LAMA1: variants seen among roughly 807,000 people sequenced by gnomAD.
LAMA1 encodes the protein laminin subunit alpha 1.
In LAMA1, 219 loss-of-function variants were observed where a neutral mutation model predicts 348.7. The observed-to-expected ratio is 0.63, with a 90% CI of 0.56 to 0.70. The LOEUF is 0.70. LAMA1 is among the 30% of genes least tolerant of loss of function. The probability of loss-of-function intolerance (pLI) is 0.00; values close to 1 mark genes in which losing one functional copy is unlikely to be tolerated. For synonymous variants in LAMA1, 1,487 were observed against 1,491.0 expected (o/e 1.00, Z 0.06); for missense variants, 3,744 against 3,888.0 (o/e 0.96, Z 0.99).
intron 57 of LAMA1, among the ~76,000 whole-genome samples, chr18:6,952,290 C>T (rs1016702795): frequency 6.6e-6 from 1 of 152,146 alleles, no homozygotes; most frequent in Non-Finnish European, 1.5e-5. Flanking sequence ...CAGGGGGCTC[C>T]GCACCATGTA....
chr18:7,055,809 T>C lies in LAMA1; in HGVS notation c.346-4873A>G, dbSNP rs1395634823. Among the ~76,000 whole-genome samples the C allele has an allele frequency of 3.9e-5, 6 of 151,980 alleles. No homozygotes were observed. In the South Asian group the frequency reaches 1.2e-3, roughly 32 times the overall value. Reference sequence around the variant, plus strand: ...TTAGAAGCGAAATAAGGCCTGGGCGTGGTGGCTCGCACCTGTAATCCCAGC... The same window carrying C: ...TTAGAAGCGAAATAAGGCCTGGGCGCGGTGGCTCGCACCTGTAATCCCAGC... On this transcript the variant is annotated intron_variant, in intron 3 of 62. Coordinates refer to ENST00000389658, the MANE Select transcript of LAMA1 (RefSeq NM_005559.4).
intron 48 of LAMA1, 86 bp downstream of exon 48, chr18:6,971,771 A>G: frequency 3.2e-6 from 5 of 1,566,700 alleles, no homozygotes; most frequent in Non-Finnish European, 4.4e-6. Flanking sequence ...CTATTCCTTG[A>G]CGTGCATGTA....
At chr18:6,946,471 A>C (rs1482157633) in intron 61 of LAMA1, among the ~76,000 whole-genome samples, 1 of 152,170 alleles carries the variant, frequency 6.6e-6, no homozygotes, top group Non-Finnish European at 1.5e-5. Context: ...TTGTAATCCC[A>C]GCACTTTGGG....
At chr18:7,115,816 A>AAACAAAAAAC (rs1244406886) in intron 1 of LAMA1, among the ~76,000 whole-genome samples, 14 of 116,022 alleles carry the variant, frequency 1.2e-4, no homozygotes, top group African/African-American at 7.3e-4. Flanking sequence ...TAAAAATACA[A>AAACAAAAAAC]AAAAAAAAAA....
In LAMA1 at chr18:6,982,867, G is replaced by T. The variant is rs573160569; in HGVS notation, c.5796+232C>A. Among the ~76,000 whole-genome samples the T allele has an allele frequency of 3.3e-5, 5 of 152,242 alleles. No individual in the cohort carries two copies. The East Asian group carries it at 9.7e-4, about 29-fold the overall frequency. On this transcript the variant is annotated intron_variant, in intron 40 of 62. Coordinates refer to ENST00000389658, the MANE Select transcript of LAMA1 (RefSeq NM_005559.4). The stretch of plus-strand genomic sequence containing the variant: ...ATCAAGTAGCATCATCATTTTTAGC[G>T]CAAGGAAATGTGAGATTGTTCTCAT...
chr18:6,955,106 A>T (rs2143988889), intron 57 of LAMA1: 1 of 534,990 alleles, frequency 1.9e-6, no homozygotes, highest in East Asian at 3.4e-5. Context: ...TTACATGCAC[A>T]CAGAAAGGGG....
intron 1 of LAMA1, among the ~76,000 whole-genome samples, chr18:7,110,288 A>G (rs2058330726): frequency 6.6e-6 from 1 of 152,186 alleles, no homozygotes; most frequent in Admixed American, 6.6e-5. Flanking sequence ...CAAAAAGATC[A>G]GGAAGTTTTT....
chr18:7,117,606 C>CCCCG (rs2058363109), intron 1 of LAMA1, 54 bp downstream of exon 1: 6 of 1,569,244 alleles, frequency 3.8e-6, no homozygotes, highest in East Asian at 2.3e-5. Context: ...CCGCGGCCGC[C>CCCCG]CCCGCCCGCC....
intron 48 of LAMA1, among the ~76,000 whole-genome samples, chr18:6,970,437 A>G (rs967615086): frequency 2.0e-5 from 3 of 152,206 alleles, no homozygotes; most frequent in Non-Finnish European, 4.4e-5. Context: ...TGGGTAAGAC[A>G]AGAACGATGA....
In LAMA1 at chr18:6,997,807, T is replaced by C. The variant is rs148171853; in HGVS notation, c.4741A>G (p.Thr1581Ala). Residue 1581 changes from threonine to alanine, a missense_variant, in exon 33 of 63, where the codon ACT becomes GCT. Thr to Ala is a moderately conservative substitution (Grantham distance 58). Coordinates refer to ENST00000389658, the MANE Select transcript of LAMA1 (RefSeq NM_005559.4). ...CCATATGGGACAGGGATAATGCCAGTGAGGTTCAGAGAAAGAACGGCATCA... is the reference window on the plus strand; with the variant it reads ...CCATATGGGACAGGGATAATGCCAGCGAGGTTCAGAGAAAGAACGGCATCA... ...IGDAVLSLNLTGIIPVPYGIL... is the reference protein window; with the variant it reads ...IGDAVLSLNLAGIIPVPYGIL... 1.3e-4 allele frequency: 206 copies of C among 1,613,832 alleles called. No homozygotes were observed. Among genetic ancestry groups the C allele is most frequent in the Non-Finnish European group, 1.7e-4 (198 of 1,179,860 alleles).
rs765316782 is a variant in LAMA1 at position 7,038,767 on chromosome 18, C to G, written c.1563+43G>C. ...CAGCTCGTGCCAAGCTTGTGCAATA[C>G]GACCTGCTCATTAAATCCCGCCGCG... On this transcript the variant is annotated intron_variant, in intron 11 of 62. Transcript: ENST00000389658. 6.2e-6 allele frequency: 10 copies of G among 1,610,030 alleles called. No homozygotes were observed. In the South Asian group the frequency reaches 8.8e-5, roughly 14 times the overall value.
chr18:7,004,472 C>A (rs2057823227), intron 29 of LAMA1, among the ~76,000 whole-genome samples: 2 of 152,286 alleles, frequency 1.3e-5, no homozygotes, highest in South Asian at 4.1e-4. Context: ...TCTGCCCCAG[C>A]CTCCCGAGCA....
intron 6 of LAMA1, 43 bp from the exon 7 acceptor site, chr18:7,044,882 G>T: frequency 7.2e-7 from 1 of 1,381,478 alleles, no homozygotes; most frequent in Non-Finnish European, 1.0e-6. Flanking sequence ...AAATGTATCT[G>T]CTTATGTTTC....
chr18:7,037,892 G>T, intron 11 of LAMA1, 141 bp from the exon 12 acceptor site: 1 of 821,250 alleles, frequency 1.2e-6, no homozygotes, highest in Non-Finnish European at 2.0e-6. Flanking sequence ...ACCTGTGGCT[G>T]CTGAACCTCA....
chr18:7,023,194 C>T lies in LAMA1; in HGVS notation c.2671G>A (p.Gly891Arg), dbSNP rs781730204. 2 of 1,613,248 alleles carry T rather than the reference C, an allele frequency of 1.2e-6. No individual in the cohort carries two copies. Among genetic ancestry groups the T allele is most frequent in the Admixed American group, 3.3e-5 (2 of 60,012 alleles). Residue 891 changes from glycine to arginine, a missense_variant, in exon 19 of 63, where the codon GGG becomes AGG. Coordinates refer to ENST00000389658, the MANE Select transcript of LAMA1 (RefSeq NM_005559.4). ...HCERCADGFY[G>R]DAVTAKNCRA... ...CAGTTCTTGGCTGTCACAGCGTCCC[C>T]ATAGAACCCGTCAGCACACCTTTCA...
chr18:6,975,921 A>G lies in LAMA1; in HGVS notation c.6489+16T>C, dbSNP rs1463063391. 1 of 1,613,956 alleles carries G rather than the reference A, an allele frequency of 6.2e-7. No individual in the cohort carries two copies. The highest frequency in any genetic ancestry group is 8.5e-7 in the Non-Finnish European group (1 of 1,180,032). ...ATAAAAGATTCAGTGTCGCTTTCCA[A>G]AGGTCCATAACTTACAGCGGTGCTG... On this transcript the variant is annotated intron_variant, in intron 45 of 62. Transcript: ENST00000389658.
At chr18:6,947,834 T>C (rs1019733121) in intron 60 of LAMA1, among the ~76,000 whole-genome samples, 6 of 152,062 alleles carry the variant, frequency 3.9e-5, no homozygotes, top group Non-Finnish European at 8.8e-5. Flanking sequence ...CAGCAGGCAG[T>C]TGTTACCATG....
At chr18:7,065,232 C>CAAA (rs35224545) in intron 3 of LAMA1, among the ~76,000 whole-genome samples, 47 of 71,180 alleles carry the variant, frequency 6.6e-4, no homozygotes, top group East Asian at 1.4e-3. Context: ...GACTCTATCT[C>CAAA]AAAAAAAAAA....
intron 1 of LAMA1, among the ~76,000 whole-genome samples, chr18:7,096,664 C>CTA (rs1491071592): frequency 6.8e-6 from 1 of 147,460 alleles, no homozygotes; most frequent in Non-Finnish European, 1.5e-5. Flanking sequence ...CTCTCTCTCT[C>CTA]TATCTCTCCC....
Sources: gnomAD v4.1 joint callset for allele counts (sites outside exome capture counted in the v4.1 genomes callset) on GRCh38, gnomAD v4.1.1 for gene constraint, MANE v1.5 for transcripts, NCBI Gene and HGNC (gene_info 2026-07-23, HGNC 2026-07-21) for gene names.